Variants in ASPM observed in about 807,000 individuals in gnomAD.
ASPM encodes the protein assembly factor for spindle microtubules, also known as abnormal spindle-like microcephaly-associated protein.
Under a neutral mutation model 366.4 loss-of-function variants are expected in ASPM, and 256 were observed. The observed-to-expected ratio is 0.70, with a 90% CI of 0.63 to 0.77. ASPM has a LOEUF of 0.77. Ranked by LOEUF, ASPM falls within the 30% of genes least tolerant of loss-of-function variation. The pLI, the probability that ASPM is intolerant of heterozygous loss-of-function variation, is 0.00. For synonymous variants in ASPM, 1,414 were observed against 1,342.9 expected (o/e 1.05, Z -1.16); for missense variants, 4,146 against 4,090.4 (o/e 1.01, Z -0.37).
At chr1:197,127,861 C>T (rs901604951) in intron 10 of ASPM, among the ~76,000 whole-genome samples, 2 of 152,088 alleles carry the variant, frequency 1.3e-5, no homozygotes, top group African/African-American at 4.8e-5. Context: ...CATGAAACCA[C>T]TGTCAATAAA....
At chr1:197,127,877 T>C (rs982652363) in intron 10 of ASPM, among the ~76,000 whole-genome samples, 1 of 152,066 alleles carries the variant, frequency 6.6e-6, no homozygotes, top group Admixed American at 6.6e-5. Flanking sequence ...ATAAAAAGTG[T>C]CATTTTGGCC....
intron 25 of ASPM, 39 bp downstream of exon 25, chr1:197,089,891 T>A: frequency 2.5e-6 from 4 of 1,595,980 alleles, no homozygotes; most frequent in Non-Finnish European, 3.4e-6. Context: ...GGCATATTTG[T>A]TGACCAGTGA....
intron 19 of ASPM, among the ~76,000 whole-genome samples, chr1:197,094,673 G>A (rs561543564): frequency 1.1e-4 from 16 of 151,808 alleles, no homozygotes; most frequent in Non-Finnish European, 2.1e-4. Context: ...GAGATATTTC[G>A]TAAACAGAAC....
chr1:197,118,807 C>A (rs1487415297), intron 16 of ASPM, among the ~76,000 whole-genome samples: 1 of 152,040 alleles, frequency 6.6e-6, no homozygotes, highest in Non-Finnish European at 1.5e-5. Context: ...ACGAATCAGG[C>A]AGTTTGGCTT....
Position 197,124,271 on chromosome 1 carries a change from T to G in ASPM, c.3229A>C (p.Lys1077Gln), listed in dbSNP as rs139317695. The G allele has an allele frequency of 1.7e-4, 280 of 1,606,810 alleles. 1 individual carries two copies. Among genetic ancestry groups the G allele is most frequent in the African/African-American group, 4.2e-4 (31 of 74,688 alleles). The change falls in exon 13 of 28, where the codon AAG (lysine) becomes CAG (glutamine). Residue 1077 changes from lysine (K) to glutamine (Q), a missense_variant. Around this residue, in one of 3 missense-constraint regions of ASPM, gnomAD observed 3,624 missense variants for 3,591.7 expected, o/e 1.01. Coordinates refer to ENST00000367409, the MANE Select transcript of ASPM (RefSeq NM_018136.5). ...AGAGATATTGTTTTCTTTATACTCTTTGTGTGTTTTAGAAAGGCAATTTCT... is the reference window on the plus strand; with the variant it reads ...AGAGATATTGTTTTCTTTATACTCTGTGTGTGTTTTAGAAAGGCAATTTCT... ...KEEIAFLKHTKSIKKTISLLS... is the reference protein window; with the variant it reads ...KEEIAFLKHTQSIKKTISLLS...
intron 5 of ASPM, 114 bp from the exon 6 acceptor site, chr1:197,133,709 A>T (rs4915345): frequency 4.1e-6 from 5 of 1,218,644 alleles, no homozygotes; most frequent in Non-Finnish European, 5.7e-6. Flanking sequence ...TTCCTCACCC[A>T]CTCCAAGCTT....
intron 17 of ASPM, among the ~76,000 whole-genome samples, chr1:197,113,646 CAAT>C (rs1657655356): frequency 6.6e-6 from 1 of 151,846 alleles, no homozygotes; most frequent in African/African-American, 2.4e-5. Context: ...AAAATACTAA[CAAT>C]AAAAGAAAAA....
Position 197,104,782 on chromosome 1 carries a change from C to T in ASPM, c.4469G>A (p.Cys1490Tyr), listed in dbSNP as rs553002859. The change falls in exon 18 of 28, where the codon TGT becomes TAT. Residue 1490 changes from cysteine to tyrosine, a missense_variant. Cys to Tyr is a radical substitution (Grantham distance 194). Transcript: ENST00000367409. ...ELRKYIYIRSCVVIIQKRFRC... is the reference protein window; with the variant it reads ...ELRKYIYIRSYVVIIQKRFRC... Reference sequence around the variant, plus strand: ...AAATCTTTTCTGAATGATAACAACACAAGATCTAATATAAATATATTTCCG... The same window carrying T: ...AAATCTTTTCTGAATGATAACAACATAAGATCTAATATAAATATATTTCCG... 13 of 1,592,804 alleles carry T rather than the reference C, an allele frequency of 8.2e-6. No homozygotes were observed. The South Asian group carries it at 1.2e-4, about 14-fold the overall frequency.
At chr1:197,139,392 C>T in intron 4 of ASPM, 1 of 566,606 alleles carries the variant, frequency 1.8e-6, no homozygotes, top group Non-Finnish European at 3.1e-6. Context: ...CAGGAGATTG[C>T]CCGACCACCC....
Position 197,103,896 on chromosome 1 carries a change from A to G in ASPM, c.5355T>C (p.Tyr1785=). The change falls in exon 18 of 28, where the codon TAT becomes TAC. Residue 1785 remains tyrosine, a synonymous_variant. Transcript: ENST00000367409. The part of the protein sequence containing the change: ...YKAIIVIQNY[Y]HAYKAQVNQR... ...GATTGACCTGTGCTTTGTATGCATG[A>G]TAGTAATTCTGAATGACAATAATTG... 6.2e-7 allele frequency: 1 copy of G among 1,612,850 alleles called. No individual in the cohort carries two copies. Among genetic ancestry groups the G allele is most frequent in the Non-Finnish European group, 8.5e-7 (1 of 1,179,318 alleles).
Position 197,102,798 on chromosome 1 carries a change from T to G in ASPM, c.6453A>C (p.Arg2151Ser). The change falls in exon 18 of 28, where the codon AGA becomes AGC. Residue 2151 changes from arginine (R) to serine (S), a missense_variant. Around this residue, in one of 3 missense-constraint regions of ASPM, gnomAD observed 3,624 missense variants for 3,591.7 expected, o/e 1.01. Transcript: ENST00000367409. ...GCTGCATTTTACCTTGATAATATGCTCTACATCTTACTTGAATAACAATAG... is the reference window on the plus strand; with the variant it reads ...GCTGCATTTTACCTTGATAATATGCGCTACATCTTACTTGAATAACAATAG... ...KAAIVIQVRC[R>S]AYYQGKMQRE... 1 of 1,612,364 alleles carries G rather than the reference T, an allele frequency of 6.2e-7. No individual in the cohort carries two copies. The highest frequency in any genetic ancestry group is 8.5e-7 in the Non-Finnish European group (1 of 1,179,178).
At chr1:197,141,796 C>G (rs897484274) in intron 3 of ASPM, among the ~76,000 whole-genome samples, 1 of 152,106 alleles carries the variant, frequency 6.6e-6, no homozygotes, top group Non-Finnish European at 1.5e-5. Context: ...ATAGTAGGTA[C>G]CTTATCAGTC....
chr1:197,120,911 G>C lies in ASPM; in HGVS notation c.3870+1004C>G, dbSNP rs149194515. Among the ~76,000 whole-genome samples the C allele has an allele frequency of 6.0e-4, 92 of 152,204 alleles. 1 individual carries two copies. The highest frequency in any genetic ancestry group is 5.6e-3 in the Admixed American group (85 of 15,274). ...ACTTTACTATGAAGAGTTTGAGTAG[G>C]GGAAAAGAAAATTATTTCAATTAGT... On this transcript the variant is annotated intron_variant, in intron 16 of 27. Coordinates refer to ENST00000367409, the MANE Select transcript of ASPM (RefSeq NM_018136.5).
chr1:197,133,253 C>T (rs1406561519), intron 6 of ASPM, 97 bp downstream of exon 6: 1 of 1,306,096 alleles, frequency 7.7e-7, no homozygotes, highest in South Asian at 1.5e-5. Flanking sequence ...GCCAGTTTTA[C>T]CTGTCAATTA....
At chr1:197,139,223 C>T in intron 4 of ASPM, 2 of 927,558 alleles carry the variant, frequency 2.2e-6, no homozygotes, top group Non-Finnish European at 3.5e-6. Flanking sequence ...GGAAAACTCC[C>T]CAAGGCTAGT....
chr1:197,101,193 T>G lies in ASPM; in HGVS notation c.8058A>C (p.Gln2686His), dbSNP rs747336758. 5 of 1,612,264 alleles carry G rather than the reference T, an allele frequency of 3.1e-6. No individual in the cohort carries two copies. The Admixed American group carries it at 6.7e-5, about 22-fold the overall frequency. Residue 2686 changes from glutamine (Q) to histidine (H), a missense_variant, in exon 18 of 28, where the codon CAA (glutamine) becomes CAC (histidine). Gln to His is a conservative substitution (Grantham distance 24). This residue lies in a region of ASPM where 3,624 missense variants were observed against 3,591.7 expected (regional missense o/e 1.01). Transcript: ENST00000367409. ...TTAGTGTGGCAGCCCGGTGCATATT[T>G]TGAATATCCTTTCGTACTTTAAAGC... ...YRGFKVRKDI[Q>H]NMHRAATLIQ...
chr1:197,113,332 T>C (rs1461624564), intron 17 of ASPM, among the ~76,000 whole-genome samples: 3 of 152,136 alleles, frequency 2.0e-5, no homozygotes, highest in Non-Finnish European at 4.4e-5. Context: ...CCATGTAACA[T>C]ATCTGCTCAC....
In ASPM at chr1:197,122,379, G is replaced by A; in HGVS notation, c.3598+9C>T. 1 of 1,613,590 alleles carries A rather than the reference G, an allele frequency of 6.2e-7. No homozygotes were observed. Among genetic ancestry groups the A allele is most frequent in the African/African-American group, 1.3e-5 (1 of 75,036 alleles). ...CAAAAAATTGGAAAAGTAACCAAAA[G>A]GGACTAACCATGATCAAATGCTTTA... On this transcript the variant is annotated intron_variant, in intron 14 of 27. Coordinates refer to ENST00000367409, the MANE Select transcript of ASPM (RefSeq NM_018136.5).
intron 12 of ASPM, 64 bp downstream of exon 12, chr1:197,124,806 A>C: frequency 7.7e-7 from 1 of 1,302,094 alleles, no homozygotes; most frequent in Non-Finnish European, 1.1e-6. Flanking sequence ...TTAGATTCAA[A>C]TTGTTTTTAT....
Sources: allele counts gnomAD v4.1 joint callset (sites outside exome capture counted in the v4.1 genomes callset), GRCh38; gene constraint gnomAD v4.1.1; regional missense constraint gnomAD v4.1.1; transcripts MANE v1.5; gene names NCBI Gene and HGNC (gene_info 2026-07-23, HGNC 2026-07-21).